Variants in ODAD3 observed in about 807,000 individuals in gnomAD.
ODAD3 encodes the protein outer dynein arm docking complex subunit 3.
ODAD3 carries 57 observed loss-of-function variants against 70.9 expected under a neutral mutation model. The ratio of observed to expected loss-of-function variants is 0.80; its 90% CI spans 0.65 to 1.00. The LOEUF is 1.00. ODAD3 is among the 50% of genes least tolerant of loss of function. ODAD3 has a pLI of 0.00. For missense variants in ODAD3, 797 were observed against 763.9 expected, an observed-to-expected ratio of 1.04 and a Z score of -0.51; for synonymous variants, 327 against 315.9, an observed-to-expected ratio of 1.04 and a Z score of -0.37.
chr19:11,421,615 T>C lies in ODAD3; in HGVS notation c.1590+62A>G, dbSNP rs1396841011. Reference sequence around the variant, plus strand: ...TCTCCCGAAGTTGCCCCCGGTTCCCTGGTTTTCCGACCCAGCCCTACTCCT... The same window carrying C: ...TCTCCCGAAGTTGCCCCCGGTTCCCCGGTTTTCCGACCCAGCCCTACTCCT... On this transcript the variant is annotated intron_variant, in intron 11 of 12. Coordinates refer to ENST00000356392, the MANE Select transcript of ODAD3 (RefSeq NM_145045.5). The C allele has an allele frequency of 5.8e-6, 9 of 1,544,634 alleles. No individual in the cohort carries two copies. The Admixed American group carries it at 1.4e-4, about 24-fold the overall frequency.
At position 11,420,627 on chromosome 19, in the gene ODAD3, G is replaced by T. The variant is rs1969107654; in HGVS notation, c.*208C>A. On this transcript the variant is annotated 3_prime_UTR_variant, in exon 13 of 13. Coordinates refer to ENST00000356392, the MANE Select transcript of ODAD3 (RefSeq NM_145045.5). ...GGGCATGGTCGGTAACATTTATTGC[G>T]CAACTCTGAGGCCGGGGCGGACCCA... 3.4e-6 allele frequency: 2 copies of T among 591,738 alleles called. No homozygotes were observed. The highest frequency in any genetic ancestry group is 1.9e-5 in the African/African-American group (1 of 53,512). The allele number at this position is 591,738 out of a possible 1,614,324, so 36.7% of individuals were successfully genotyped here.
chr19:11,425,395 GTATATGTA>G (rs1208735189), intron 7 of ODAD3, among the ~76,000 whole-genome samples: 2 of 130,388 alleles, frequency 1.5e-5, no homozygotes, highest in African/African-American at 6.7e-5. Flanking sequence ...GTACATATGT[GTATATGTA>G]TATATACATA....
At chr19:11,424,601 ATATGTGTATATATACC>A (rs1305638193) in intron 7 of ODAD3, among the ~76,000 whole-genome samples, 2 of 134,542 alleles carry the variant, frequency 1.5e-5, no homozygotes, top group Non-Finnish European at 3.0e-5. Context: ...GTATAAATAT[ATATGTGTATATATACC>A]TATGTGTATA....
chr19:11,426,091 G>T, intron 7 of ODAD3, 53 bp downstream of exon 7: 1 of 1,580,342 alleles, frequency 6.3e-7, no homozygotes. Context: ...GGCATGGCTG[G>T]TTTGTGCTGG....
chr19:11,425,040 T>C (rs1478634121), intron 7 of ODAD3, among the ~76,000 whole-genome samples: 3 of 127,428 alleles, frequency 2.4e-5, no homozygotes, highest in South Asian at 2.3e-4. Flanking sequence ...CATATATACA[T>C]ATGTGTATAT....
intron 3 of ODAD3, among the ~76,000 whole-genome samples, chr19:11,428,031 C>T (rs1006306090): frequency 6.0e-5 from 9 of 150,620 alleles, no homozygotes; most frequent in Non-Finnish European, 8.9e-5. Flanking sequence ...ACCCGGGAGG[C>T]GGAGCTTGCA....
rs1333452920 is a variant in ODAD3, at chr19:11,421,708, T to G, written c.1559A>C (p.Gln520Pro). The change falls in exon 11 of 13, where the codon CAG becomes CCG. Residue 520 changes from glutamine to proline, a missense_variant. Physicochemically the swap from Gln to Pro is moderately conservative, Grantham distance 76 (BLOSUM62 -1). Coordinates refer to ENST00000356392, the MANE Select transcript of ODAD3 (RefSeq NM_145045.5). ...GTTAGCGATGTGGCACAGCATCTCCTGCACGTCGTGGCCCTGGAGCTGCGC... is the reference window on the plus strand; with the variant it reads ...GTTAGCGATGTGGCACAGCATCTCCGGCACGTCGTGGCCCTGGAGCTGCGC... The part of the protein sequence containing the change: ...LQAQLQGHDV[Q>P]EMLCHIANRE... The G allele has an allele frequency of 1.2e-6, 2 of 1,613,284 alleles. No homozygotes were observed. The highest frequency in any genetic ancestry group is 1.7e-6 in the Non-Finnish European group (2 of 1,179,948).
intron 1 of ODAD3, among the ~76,000 whole-genome samples, chr19:11,431,837 G>C (rs1969510116): frequency 6.6e-6 from 1 of 151,548 alleles, no homozygotes; most frequent in Non-Finnish European, 1.5e-5. Flanking sequence ...CAGCTACTCA[G>C]GGGACTGAGG....
intron 7 of ODAD3, among the ~76,000 whole-genome samples, chr19:11,424,985 ATG>A (rs1280266626): frequency 2.3e-5 from 3 of 131,708 alleles, no homozygotes; most frequent in Non-Finnish European, 4.7e-5. Context: ...ATATGTGTAT[ATG>A]TACATATGTG....
Position 11,426,565 on chromosome 19 carries a change from T to G in ODAD3, c.721A>C (p.Ser241Arg). ...LQLKAYLMDE[S>R]LNLENRLDSM... is the part of the protein sequence containing the mutation. ...TCCAGCCGGTTCTCCAAGTTGAGGCTCTCGTCCTGGGGCGTGGTGGGGAGG... is the reference window on the plus strand; with the variant it reads ...TCCAGCCGGTTCTCCAAGTTGAGGCGCTCGTCCTGGGGCGTGGTGGGGAGG... The change falls in exon 6 of 13, where the codon AGC (serine) becomes CGC (arginine). Residue 241 changes from serine to arginine, a missense_variant. Physicochemically the swap from Ser to Arg is moderately radical, Grantham distance 110. Transcript: ENST00000356392. 3.1e-6 allele frequency: 5 copies of G among 1,613,978 alleles called. No homozygotes were observed. The highest frequency in any genetic ancestry group is 4.2e-6 in the Non-Finnish European group (5 of 1,179,954).
At chr19:11,430,435 G>T (rs565612172) in intron 3 of ODAD3, 23 of 514,018 alleles carry the variant, frequency 4.5e-5, no homozygotes, top group African/African-American at 4.4e-4. Flanking sequence ...ACCGCGCCTG[G>T]CTGTGATGTT....
In ODAD3 at chr19:11,428,302, C is replaced by A. The variant is rs1036426750; in HGVS notation, c.445-1262G>T. Among the ~76,000 whole-genome samples, 9 of 152,014 alleles carry A rather than the reference C, an allele frequency of 5.9e-5. 1 individual carries two copies. The highest frequency in any genetic ancestry group is 5.2e-4 in the Admixed American group (8 of 15,260). On this transcript the variant is annotated intron_variant, in intron 3 of 12. Transcript: ENST00000356392. ...TGTCACTCAGGCTGGAGTGCAGTGG[C>A]TCGATCTTGGCTCACTGCAACCTCC... is the stretch of plus-strand genomic sequence containing the variant.
Position 11,422,030 on chromosome 19 carries a change from AT to A in ODAD3, c.1435-199del, listed in dbSNP as rs1476307793. Among the ~76,000 whole-genome samples the A allele has an allele frequency of 2.6e-5, 4 of 151,990 alleles. No individual in the cohort carries two copies. The highest frequency in any genetic ancestry group is 2.6e-4 in the Admixed American group (4 of 15,286). On this transcript the variant is annotated intron_variant, in intron 10 of 12. Transcript: ENST00000356392. The surrounding 1 kb of genome is among the most constrained non-coding windows in gnomAD (Gnocchi z 4.6). Reference sequence around the variant, plus strand: ...GGGAGCCTCTGAACTCTAACTCTATATGTAAAGGTTTCGGGGAGGCCTCTTG... The same window carrying A: ...GGGAGCCTCTGAACTCTAACTCTATAGTAAAGGTTTCGGGGAGGCCTCTTG...
intron 12 of ODAD3, 87 bp from the exon 13 acceptor site, chr19:11,421,034 C>A: frequency 6.3e-7 from 1 of 1,575,120 alleles, no homozygotes; most frequent in Non-Finnish European, 8.7e-7. Context: ...CCCCACTCCA[C>A]CCCCACCTTG....
chr19:11,427,125 A>G, intron 3 of ODAD3, 85 bp from the exon 4 acceptor site: 2 of 1,399,582 alleles, frequency 1.4e-6, no homozygotes, highest in Non-Finnish European at 9.4e-7. Context: ...CTTCTCCCAC[A>G]CTGTGGCTTC....
chr19:11,426,936 C>T lies in ODAD3; in HGVS notation c.549G>A (p.Leu183=). Residue 183 remains leucine, a synonymous_variant, in exon 4 of 13, where the codon CTG becomes CTA. Coordinates refer to ENST00000356392, the MANE Select transcript of ODAD3 (RefSeq NM_145045.5). ...LRQRRLEELQ[L]QHSLRLLEMA... is the part of the protein sequence containing the mutation. ...TCTCCAGAAGGCGCAGGCTGTGCTG[C>T]AGCTGGAGCTCCTCCAGCCGCCTCT... 1 of 1,609,800 alleles carries T rather than the reference C, an allele frequency of 6.2e-7. No individual in the cohort carries two copies.
At chr19:11,424,096 G>A (rs1969206712) in intron 7 of ODAD3, 67 bp from the exon 8 acceptor site, 1 of 1,557,254 alleles carries the variant, frequency 6.4e-7, no homozygotes, top group Admixed American at 1.7e-5. Context: ...AGGCCGGGGA[G>A]GGGGATCCAG....
intron 7 of ODAD3, among the ~76,000 whole-genome samples, chr19:11,425,186 T>G (rs1465120518): frequency 7.3e-6 from 1 of 137,896 alleles, no homozygotes; most frequent in East Asian, 2.2e-4. Flanking sequence ...CATATGTGTA[T>G]ATATACATAT....
rs546490165 is a variant in ODAD3, at chr19:11,422,394, G to A, written c.1434+77C>T. 827 of 1,450,774 alleles carry A rather than the reference G, an allele frequency of 5.7e-4. 4 individuals carry two copies. The African/African-American group carries it at 8.1e-3, about 14-fold the overall frequency. The allele number at this position is 1,450,774 out of a possible 1,614,324, so 89.9% of individuals were successfully genotyped here. ...CACGTTCCCTCGGGCAAGCTGGTGT[G>A]GCAGGAACCCCGCTTCGTGGCTGCG... is the stretch of plus-strand genomic sequence containing the variant. On this transcript the variant is annotated intron_variant, in intron 10 of 12. Coordinates refer to ENST00000356392, the MANE Select transcript of ODAD3 (RefSeq NM_145045.5). This position sits in a 1 kb window ranked among gnomAD's most constrained non-coding sequence, Gnocchi z 4.6.
Sources: gnomAD v4.1 joint callset for allele counts (sites outside exome capture counted in the v4.1 genomes callset) on GRCh38, gnomAD v4.1.1 for gene constraint, Gnocchi (gnomAD v3.1) non-coding constraint, MANE v1.5 for transcripts, NCBI Gene and HGNC (gene_info 2026-07-23, HGNC 2026-07-21) for gene names.